ZNF140: variants seen among roughly 807,000 people sequenced by gnomAD.
ZNF140 encodes the protein zinc finger protein 140.
ZNF140 carries 13 observed loss-of-function variants against 12.9 expected under a neutral mutation model. The ratio of observed to expected loss-of-function variants is 1.01; its 90% confidence interval spans 0.66 to 1.60. The LOEUF is 1.60. Ranked by LOEUF, ZNF140 falls within the 40% of genes most tolerant of loss-of-function variation. ZNF140 has a pLI of 0.00. For synonymous variants in ZNF140, 214 were observed against 186.7 expected (o/e 1.15, Z -1.19); for missense variants, 531 against 548.8 (o/e 0.97, Z 0.32).
At chr12:133,083,626 A>T in intron 4 of ZNF140, 65 bp downstream of exon 4, 2 of 1,432,002 alleles carry the variant, frequency 1.4e-6, no homozygotes, top group Non-Finnish European at 1.9e-6. Context: ...TGAAAAAGGA[A>T]TACTTTTTAA....
intron 4 of ZNF140, among the ~76,000 whole-genome samples, chr12:133,094,558 G>C (rs1955000205): frequency 6.6e-6 from 1 of 151,128 alleles, no homozygotes; most frequent in Non-Finnish European, 1.5e-5. Flanking sequence ...GAATTCTAAA[G>C]AGAGAAAGTG....
At position 133,081,348 on chromosome 12, in the gene ZNF140, A is replaced by AATACAT. The variant is rs1555291954; in HGVS notation, c.9+22_9+23insCATATA. 1.9e-5 allele frequency: 6 copies of AATACAT among 318,830 alleles called. No homozygotes were observed. In the Admixed American group the frequency reaches 2.6e-4, roughly 14 times the overall value. The allele number at this position is 318,830 out of a possible 1,614,324, so 19.8% of individuals were successfully genotyped here. ...GTCTCAGGTAAGCTAATGATTGATA[A>AATACAT]ATATATATATATATATATATATAAA... On this transcript the variant is annotated intron_variant, in intron 2 of 4. Transcript: ENST00000355557.
chr12:133,087,786 T>G (rs1245506129), intron 4 of ZNF140, among the ~76,000 whole-genome samples: 1 of 152,200 alleles, frequency 6.6e-6, no homozygotes, highest in Non-Finnish European at 1.5e-5. Context: ...ATATTGCTTC[T>G]CTATAGGAAT....
chr12:133,091,850 C>T (rs1593765521), intron 4 of ZNF140, among the ~76,000 whole-genome samples: 1 of 151,110 alleles, frequency 6.6e-6, no homozygotes, highest in Non-Finnish European at 1.5e-5. Context: ...GTAAGATTGT[C>T]TTCTCTTCCT....
intron 4 of ZNF140, chr12:133,084,276 T>G (rs1440177483): frequency 2.2e-5 from 8 of 360,656 alleles, no homozygotes; most frequent in Admixed American, 1.3e-4. Context: ...GCTGTTCTAT[T>G]TAATCACCTT....
intron 4 of ZNF140, among the ~76,000 whole-genome samples, chr12:133,086,014 A>AT (rs1202032018): frequency 1.3e-5 from 2 of 152,154 alleles, no homozygotes; most frequent in South Asian, 2.1e-4. Flanking sequence ...GCAAGACCCT[A>AT]TTTTTTTAAA....
chr12:133,092,863 A>G (rs1328330109), intron 4 of ZNF140, among the ~76,000 whole-genome samples: 1 of 151,230 alleles, frequency 6.6e-6, no homozygotes, highest in Non-Finnish European at 1.5e-5. Flanking sequence ...CTGCAGTATC[A>G]GCCGCACATT....
chr12:133,106,209 G>A lies in ZNF140; in HGVS notation c.932G>A (p.Arg311His), dbSNP rs151227084. ...TGCATTGAATGTGGGAAGGCATTTC[G>A]CCGTTTCTCACACCTTACTCGACAT... ...YECIECGKAFRRFSHLTRHQS... is the reference protein window; with the variant it reads ...YECIECGKAFHRFSHLTRHQS... Residue 311 changes from arginine (R) to histidine (H), a missense_variant, in exon 5 of 5, where the codon CGC becomes CAC. Coordinates refer to ENST00000355557, the MANE Select transcript of ZNF140 (RefSeq NM_003440.4). The A allele has an allele frequency of 8.7e-6, 14 of 1,614,146 alleles. No homozygotes were observed. Among genetic ancestry groups the A allele is most frequent in the South Asian group, 4.4e-5 (4 of 91,080 alleles).
chr12:133,091,713 C>G (rs1276098862), intron 4 of ZNF140, among the ~76,000 whole-genome samples: 1 of 150,952 alleles, frequency 6.6e-6, no homozygotes, highest in East Asian at 1.9e-4. Context: ...TGGTTTTAAC[C>G]CAAGTGACAG....
intron 4 of ZNF140, among the ~76,000 whole-genome samples, chr12:133,086,005 C>G (rs1954665053): frequency 6.6e-6 from 1 of 152,200 alleles, no homozygotes; most frequent in Admixed American, 6.5e-5. Flanking sequence ...GGCAATACAG[C>G]AAGACCCTAT....
intron 4 of ZNF140, chr12:133,093,370 A>G: frequency 1.5e-6 from 1 of 687,288 alleles, no homozygotes; most frequent in Non-Finnish European, 2.6e-6. Context: ...TTAAAGCTGC[A>G]AGCAGCATAT....
intron 4 of ZNF140, among the ~76,000 whole-genome samples, chr12:133,102,226 G>A (rs1372548137): frequency 6.6e-6 from 1 of 152,186 alleles, no homozygotes; most frequent in Non-Finnish European, 1.5e-5. Context: ...TTTTAGGACA[G>A]AGTAGTGACT....
chr12:133,094,113 A>G (rs2137531989), intron 4 of ZNF140, among the ~76,000 whole-genome samples: 1 of 151,450 alleles, frequency 6.6e-6, no homozygotes, highest in Non-Finnish European at 1.5e-5. Context: ...CTCTGTCTGC[A>G]GAAATGTGTA....
chr12:133,080,836 C>G (rs1954444040), upstream of ZNF140: 1 of 152,504 alleles, frequency 6.6e-6, no homozygotes, highest in African/African-American at 2.4e-5. Flanking sequence ...TTGAGGCCGG[C>G]GGCCTGGTTG....
chr12:133,091,050 TC>T (rs1954858055), intron 4 of ZNF140, among the ~76,000 whole-genome samples: 2 of 148,948 alleles, frequency 1.3e-5, no homozygotes, highest in South Asian at 2.2e-4. Flanking sequence ...ACAGTGGCCT[TC>T]CTCTATCTCA....
intron 4 of ZNF140, among the ~76,000 whole-genome samples, chr12:133,097,068 A>ATTC (rs1955155851): frequency 6.6e-6 from 1 of 152,076 alleles, no homozygotes; most frequent in Admixed American, 6.5e-5. Flanking sequence ...GATTTTTATG[A>ATTC]TTTCTTTCTT....
chr12:133,102,327 C>T (rs1259114518), intron 4 of ZNF140, among the ~76,000 whole-genome samples: 4 of 152,066 alleles, frequency 2.6e-5, no homozygotes, highest in Admixed American at 2.0e-4. Flanking sequence ...TCTTAAATAA[C>T]ATTGGTGATA....
At chr12:133,083,071 C>A (rs1004740974) in intron 2 of ZNF140, 32 bp from the exon 3 acceptor site, 57 of 1,613,770 alleles carry the variant, frequency 3.5e-5, no homozygotes, top group Non-Finnish European at 4.7e-5. Flanking sequence ...GGCATGCGTG[C>A]TGGTCATGCA....
intron 4 of ZNF140, among the ~76,000 whole-genome samples, chr12:133,099,951 A>G (rs1593793355): frequency 1.3e-5 from 2 of 150,034 alleles, no homozygotes; most frequent in Admixed American, 1.3e-4. Flanking sequence ...TTTTTCTCTC[A>G]GCACTTCAAA....
Sources: allele counts gnomAD v4.1 joint callset (sites outside exome capture counted in the v4.1 genomes callset), GRCh38; gene constraint gnomAD v4.1.1; transcripts MANE v1.5; gene names NCBI Gene and HGNC (gene_info 2026-07-23, HGNC 2026-07-21).